The following RIMS1 variants were observed in gnomAD, a reference collection of about 807,000 sequenced individuals.
RIMS1 encodes the protein regulating synaptic membrane exocytosis 1, also known as regulating synaptic membrane exocytosis protein 1.
RIMS1 carries 83 observed loss-of-function variants against 214.1 expected under a neutral mutation model. That is an observed-to-expected ratio of 0.39 (90% CI 0.32 to 0.47). The LOEUF is 0.47. Ranked by LOEUF, RIMS1 falls within the 20% of genes least tolerant of loss-of-function variation. The pLI is 0.99. For missense variants in RIMS1, 2,050 were observed against 2,161.8 expected (o/e 0.95, Z 1.03); for synonymous variants, 793 against 786.8 (o/e 1.01, Z -0.13).
At chr6:71,988,178 T>G (rs937320676) in intron 2 of RIMS1, among the ~76,000 whole-genome samples, 3 of 152,066 alleles carry the variant, frequency 2.0e-5, no homozygotes, top group African/African-American at 7.2e-5. Flanking sequence ...CAAATCTAAA[T>G]TCTTTCAGTT....
intron 28 of RIMS1, among the ~76,000 whole-genome samples, chr6:72,315,357 T>C (rs2154298903): frequency 6.6e-6 from 1 of 152,336 alleles, no homozygotes; most frequent in African/African-American, 2.4e-5. Flanking sequence ...CTAAGCACTT[T>C]TTTGTTTTCA....
At chr6:72,021,426 C>A (rs1814648432) in intron 2 of RIMS1, among the ~76,000 whole-genome samples, 1 of 152,128 alleles carries the variant, frequency 6.6e-6, no homozygotes, top group African/African-American at 2.4e-5. Context: ...AAACATTTAT[C>A]AGATCTATAC....
At chr6:72,394,147 C>A (rs1267235658) in intron 31 of RIMS1, among the ~76,000 whole-genome samples, 2 of 151,930 alleles carry the variant, frequency 1.3e-5, no homozygotes, top group African/African-American at 2.4e-5. Context: ...GGTTTCAAAG[C>A]AGCGTTCAAA....
At chr6:71,962,900 A>G (rs989809264) in intron 1 of RIMS1, among the ~76,000 whole-genome samples, 3 of 152,096 alleles carry the variant, frequency 2.0e-5, no homozygotes, top group African/African-American at 7.2e-5. Context: ...TTCACATTTC[A>G]TAGTATTCCA....
At chr6:71,962,771 G>C (rs1376528601) in intron 1 of RIMS1, among the ~76,000 whole-genome samples, 1 of 152,042 alleles carries the variant, frequency 6.6e-6, no homozygotes, top group Non-Finnish European at 1.5e-5. Flanking sequence ...ATATATATTT[G>C]AAGATATTTT....
intron 22 of RIMS1, among the ~76,000 whole-genome samples, chr6:72,272,521 C>A (rs1340502042): frequency 6.6e-6 from 1 of 152,128 alleles, no homozygotes; most frequent in Non-Finnish European, 1.5e-5. Context: ...ACCAAATATT[C>A]GTTTAAAATT....
At chr6:72,048,226 G>A (rs965663515) in intron 2 of RIMS1, among the ~76,000 whole-genome samples, 8 of 152,152 alleles carry the variant, frequency 5.3e-5, no homozygotes, top group African/African-American at 1.7e-4. Flanking sequence ...CAAAAATCTA[G>A]CCCTGAACCA....
intron 1 of RIMS1, among the ~76,000 whole-genome samples, chr6:71,897,572 C>T (rs764083679): frequency 6.6e-6 from 1 of 152,170 alleles, no homozygotes; most frequent in Non-Finnish European, 1.5e-5. Flanking sequence ...TTTACCTAGC[C>T]TTTTGAATTA....
intron 23 of RIMS1, among the ~76,000 whole-genome samples, chr6:72,275,668 G>C (rs577648524): frequency 5.3e-5 from 8 of 152,200 alleles, no homozygotes; most frequent in African/African-American, 1.9e-4. Flanking sequence ...TTCTAGGATA[G>C]AAATTCTGGG....
intron 1 of RIMS1, among the ~76,000 whole-genome samples, chr6:71,921,675 A>C (rs957675834): frequency 1.3e-5 from 2 of 152,178 alleles, no homozygotes; most frequent in Non-Finnish European, 2.9e-5. Flanking sequence ...CTTTTTTCAT[A>C]AGTAGTGAAT....
At chr6:72,169,271 G>C (rs1451417053) in intron 4 of RIMS1, among the ~76,000 whole-genome samples, 1 of 151,902 alleles carries the variant, frequency 6.6e-6, no homozygotes, top group Non-Finnish European at 1.5e-5. Flanking sequence ...TATTCTAATA[G>C]GCATGCATAA....
rs773439361 is a variant in RIMS1, at chr6:71,887,008, C to T, written c.-16C>T. 1.2e-6 allele frequency: 2 copies of T among 1,609,392 alleles called. No homozygotes were observed. Among genetic ancestry groups the T allele is most frequent in the Non-Finnish European group, 8.5e-7 (1 of 1,177,712 alleles). ...AGAGCCAGAGAGCGAGCAGAGGGGG[C>T]GGGCAGGCCACGAAAATGTCCTCGG... is the stretch of plus-strand genomic sequence containing the variant. On this transcript the variant is annotated 5_prime_UTR_variant, in exon 1 of 34. Transcript: ENST00000521978.
chr6:72,065,616 T>C (rs1829094894), intron 2 of RIMS1, among the ~76,000 whole-genome samples: 1 of 152,186 alleles, frequency 6.6e-6, no homozygotes, highest in Non-Finnish European at 1.5e-5. Flanking sequence ...TTTATTGATC[T>C]CTTACTCCAT....
At chr6:72,186,783 C>A (rs1369296954) in intron 6 of RIMS1, among the ~76,000 whole-genome samples, 4 of 151,230 alleles carry the variant, frequency 2.6e-5, no homozygotes, top group Admixed American at 6.6e-5. Flanking sequence ...ATATGTACCC[C>A]CCCCCATATA....
rs201158117 is a variant in RIMS1, at chr6:72,091,458, A to G, written c.246-5491A>G. 3.3e-5 allele frequency among the ~76,000 whole-genome samples: 5 copies of G among 152,330 alleles called. No homozygotes were observed. The East Asian group carries it at 9.6e-4, about 29-fold the overall frequency. On this transcript the variant is annotated intron_variant, in intron 2 of 33. Coordinates refer to ENST00000521978, the MANE Select transcript of RIMS1 (RefSeq NM_014989.7). Reference sequence around the variant, plus strand: ...TTACTTGTTCAACAAATACATATTAATTTGTACAAATGTCATCAATAATTG... The same window carrying G: ...TTACTTGTTCAACAAATACATATTAGTTTGTACAAATGTCATCAATAATTG...
At chr6:71,974,657 A>G (rs569426789) in intron 2 of RIMS1, among the ~76,000 whole-genome samples, 1 of 152,264 alleles carries the variant, frequency 6.6e-6, no homozygotes, top group South Asian at 2.1e-4. Context: ...TGTGATAAGA[A>G]AACAAAGGAG....
At chr6:72,059,272 G>A (rs1257159158) in intron 2 of RIMS1, among the ~76,000 whole-genome samples, 2 of 151,886 alleles carry the variant, frequency 1.3e-5, no homozygotes, top group African/African-American at 2.4e-5. Context: ...TGTTGCCCAC[G>A]CTGCAGTATA....
intron 6 of RIMS1, among the ~76,000 whole-genome samples, chr6:72,194,564 C>T (rs775541680): frequency 6.6e-6 from 1 of 152,084 alleles, no homozygotes; most frequent in Non-Finnish European, 1.5e-5. Flanking sequence ...GGAATAATTA[C>T]ACAATAAAAT....
chr6:72,272,152 A>C (rs955401076), intron 22 of RIMS1, among the ~76,000 whole-genome samples: 1 of 152,220 alleles, frequency 6.6e-6, no homozygotes, highest in African/African-American at 2.4e-5. Context: ...GTAGCCTGCC[A>C]TATTAGCTTG....
Sources: allele counts gnomAD v4.1 joint callset (sites outside exome capture counted in the v4.1 genomes callset), GRCh38; gene constraint gnomAD v4.1.1; transcripts MANE v1.5; gene names NCBI Gene and HGNC (gene_info 2026-07-23, HGNC 2026-07-21).